Variants in SGCG observed in about 807,000 individuals in gnomAD.
SGCG encodes gamma-sarcoglycan.
In SGCG, 26 loss-of-function variants were observed where a neutral mutation model predicts 29.3. The ratio of observed to expected loss-of-function variants is 0.89; its 90% CI spans 0.65 to 1.23. The LOEUF (loss-of-function observed/expected upper bound fraction) is 1.23. Ranked by LOEUF, SGCG falls within the 50% of genes most tolerant of loss-of-function variation. The probability of loss-of-function intolerance (pLI) is 0.00; values close to 1 mark genes in which losing one functional copy is unlikely to be tolerated. For missense variants in SGCG, 353 were observed against 356.0 expected, an observed-to-expected ratio of 0.99 and a Z score of 0.07; for synonymous variants, 145 against 129.7, an observed-to-expected ratio of 1.12 and a Z score of -0.80.
intron 3 of SGCG, chr13:23,245,772 G>A (rs370388449): frequency 6.6e-6 from 1 of 152,064 alleles, no homozygotes; most frequent in African/African-American, 2.4e-5. Flanking sequence ...AAATTTTCCC[G>A]GAAGACTAGA....
intron 7 of SGCG, among the ~76,000 whole-genome samples, chr13:23,322,765 T>TCCCCCCCCCCCCCCCCCCCCC (rs1189871837): frequency 1.6e-4 from 10 of 61,476 alleles, no homozygotes; most frequent in Admixed American, 7.5e-4. Context: ...CCCCCACCCA[T>TCCCCCCCCCCCCCCCCCCCCC]CCACCTCCCC....
chr13:23,253,508 T>C (rs527506360), intron 4 of SGCG, among the ~76,000 whole-genome samples: 12 of 152,346 alleles, frequency 7.9e-5, no homozygotes, highest in Non-Finnish European at 1.8e-4. Context: ...CTGGAAGAAG[T>C]TAAATTTTGC....
At chr13:23,229,400 T>C (rs1879023566) in intron 2 of SGCG, among the ~76,000 whole-genome samples, 1 of 152,244 alleles carries the variant, frequency 6.6e-6, no homozygotes, top group Non-Finnish European at 1.5e-5. Flanking sequence ...ATGCTTGAAC[T>C]AATTTACACT....
At chr13:23,293,181 T>G (rs962005413) in intron 5 of SGCG, among the ~76,000 whole-genome samples, 2 of 152,218 alleles carry the variant, frequency 1.3e-5, no homozygotes, top group African/African-American at 4.8e-5. Context: ...TAAGAAAATG[T>G]GACTTGTTAC....
chr13:23,311,870 C>T (rs1041351862), intron 6 of SGCG, among the ~76,000 whole-genome samples: 1 of 152,110 alleles, frequency 6.6e-6, no homozygotes, highest in African/African-American at 2.4e-5. Context: ...CCCACCGTGA[C>T]CCTTTCTGGA....
chr13:23,292,832 A>T (rs1455397579), intron 5 of SGCG, among the ~76,000 whole-genome samples: 1 of 152,182 alleles, frequency 6.6e-6, no homozygotes, highest in African/African-American at 2.4e-5. Context: ...ATGTTACATA[A>T]ACCACAGTAA....
intron 6 of SGCG, among the ~76,000 whole-genome samples, chr13:23,299,336 A>C (rs923027196): frequency 1.5e-4 from 20 of 136,760 alleles, no homozygotes; most frequent in African/African-American, 5.2e-4. Flanking sequence ...TCCACTTTTT[A>C]TTTCTGGTTC....
At chr13:23,247,145 C>A in intron 3 of SGCG, 1 of 157,052 alleles carries the variant, frequency 6.4e-6, no homozygotes, top group South Asian at 1.8e-4. Flanking sequence ...ACACCTTGGC[C>A]ATCTTGCAGG....
At chr13:23,274,473 G>C (rs1431738013) in intron 4 of SGCG, among the ~76,000 whole-genome samples, 11 of 135,772 alleles carry the variant, frequency 8.1e-5, no homozygotes, top group Admixed American at 3.4e-4. Flanking sequence ...TGCGATCTTG[G>C]CTCGCTGCAA....
the SGCG span, among the ~76,000 whole-genome samples, chr13:23,173,491 T>G: frequency 6.6e-6 from 1 of 152,196 alleles, no homozygotes; most frequent in East Asian, 1.9e-4. Flanking sequence ...CCAACATACT[T>G]TCAAAGTTCC....
chr13:23,235,388 AAG>A (rs1480944080), intron 3 of SGCG, among the ~76,000 whole-genome samples: 3 of 152,058 alleles, frequency 2.0e-5, no homozygotes, highest in Non-Finnish European at 4.4e-5. Context: ...AAAAAAAAAA[AAG>A]AAAGAAATTT....
intron 1 of SGCG, among the ~76,000 whole-genome samples, chr13:23,195,449 ATT>A (rs58854406): frequency 6.8e-6 from 1 of 147,350 alleles, no homozygotes; most frequent in Non-Finnish European, 1.5e-5. Context: ...GCTTGTTTTT[ATT>A]TTTTTTTTCC....
intron 4 of SGCG, among the ~76,000 whole-genome samples, chr13:23,274,767 G>A (rs1881007557): frequency 6.6e-6 from 1 of 151,976 alleles, no homozygotes; most frequent in Non-Finnish European, 1.5e-5. Flanking sequence ...AGAGTATGGG[G>A]ATGACCTTTT....
intron 5 of SGCG, among the ~76,000 whole-genome samples, chr13:23,282,306 C>G (rs1881336586): frequency 6.6e-6 from 1 of 152,170 alleles, no homozygotes; most frequent in Non-Finnish European, 1.5e-5. Flanking sequence ...GTAGTGCAGG[C>G]TTTGTCGATC....
chr13:23,186,137 C>T (rs1876961603), intron 1 of SGCG, among the ~76,000 whole-genome samples: 1 of 152,226 alleles, frequency 6.6e-6, no homozygotes, highest in African/African-American at 2.4e-5. Flanking sequence ...TCTCATCTAA[C>T]ACCCTGGCTG....
At chr13:23,199,418 G>A (rs535497661) in intron 1 of SGCG, among the ~76,000 whole-genome samples, 36 of 152,322 alleles carry the variant, frequency 2.4e-4, no homozygotes, top group African/African-American at 6.7e-4. Flanking sequence ...AAGTGCTGAA[G>A]CATTGATATT....
intron 4 of SGCG, among the ~76,000 whole-genome samples, chr13:23,276,897 T>G (rs574316401): frequency 1.3e-5 from 2 of 152,234 alleles, no homozygotes; most frequent in Non-Finnish European, 2.9e-5. Context: ...TGCTTTTCTT[T>G]TTAGTGAACC....
the SGCG span, among the ~76,000 whole-genome samples, chr13:23,162,494 C>T: frequency 6.6e-6 from 1 of 152,184 alleles, no homozygotes; most frequent in African/African-American, 2.4e-5. Flanking sequence ...GGCGTGGTGG[C>T]AGGCGCCTGT....
chr13:23,278,650 C>T (rs1002243634), intron 4 of SGCG, among the ~76,000 whole-genome samples: 2 of 152,086 alleles, frequency 1.3e-5, no homozygotes, highest in Non-Finnish European at 2.9e-5. Context: ...GAGGTGTGAC[C>T]TCACCCTCAC....
Sources: gnomAD v4.1 joint callset for allele counts (sites outside exome capture counted in the v4.1 genomes callset) on GRCh38, gnomAD v4.1.1 for gene constraint, MANE v1.5 for transcripts, NCBI Gene and HGNC (gene_info 2026-07-23, HGNC 2026-07-21) for gene names.